Variants in ARHGAP35 observed in about 807,000 individuals in gnomAD.
ARHGAP35 encodes the protein Rho GTPase activating protein 35.
In ARHGAP35, 15 loss-of-function variants were observed where a neutral mutation model predicts 111.1. That is an observed-to-expected ratio of 0.13 (90% CI 0.09 to 0.21). The LOEUF is 0.21. ARHGAP35 is among the 10% of genes least tolerant of loss of function. ARHGAP35 has a pLI of 1.00. For synonymous variants in ARHGAP35, 643 were observed against 710.3 expected (o/e 0.91, Z 1.51); for missense variants, 1,262 against 1,873.0 (o/e 0.67, Z 6.02).
chr19:46,989,750 C>T lies in ARHGAP35; in HGVS notation c.4036+75C>T, dbSNP rs1254726713. The stretch of plus-strand genomic sequence containing the variant: ...GCACTGGAAGAATAGGTCCTGCCCT[C>T]AGAATGGATGCTGGCTGTTAGAGCT... On this transcript the variant is annotated intron_variant, in intron 5 of 6. Coordinates refer to ENST00000672722, the MANE Select transcript of ARHGAP35 (RefSeq NM_004491.5). The surrounding 1 kb of genome is among the most constrained non-coding windows in gnomAD (Gnocchi z 5.3). The T allele has an allele frequency of 1.9e-6, 3 of 1,593,244 alleles. No individual in the cohort carries two copies. The highest frequency in any genetic ancestry group is 2.6e-6 in the Non-Finnish European group (3 of 1,168,722).
chr19:46,933,837 A>G (rs1282010289), intron 2 of ARHGAP35, among the ~76,000 whole-genome samples: 1 of 152,200 alleles, frequency 6.6e-6, no homozygotes, highest in African/African-American at 2.4e-5. Context: ...AACTTATGCT[A>G]GGTTCTGGTA....
chr19:46,965,466 T>TTTTG (rs146545859), intron 3 of ARHGAP35, among the ~76,000 whole-genome samples: 28,058 of 150,176 alleles, frequency 0.19, 2,759 homozygotes, highest in Middle Eastern at 0.23. Context: ...TTCTTGGGTT[T>TTTTG]TTTGTTTGTT....
At chr19:46,911,558 T>C (rs2056137971) in intron 1 of ARHGAP35, among the ~76,000 whole-genome samples, 1 of 152,244 alleles carries the variant, frequency 6.6e-6, no homozygotes. Context: ...TAACTAGATC[T>C]ATCAAATGGG....
At chr19:46,947,434 CAG>C (rs1047141759) in intron 3 of ARHGAP35, 1 of 152,128 alleles carries the variant, frequency 6.6e-6, no homozygotes, top group African/African-American at 2.4e-5. Context: ...TGTAAAAGGG[CAG>C]AGTCACTTTG....
chr19:46,895,850 C>T (rs753461625), intron 1 of ARHGAP35, among the ~76,000 whole-genome samples: 12 of 152,196 alleles, frequency 7.9e-5, no homozygotes, highest in Non-Finnish European at 1.5e-4. Context: ...TGCCTGTAAT[C>T]CCAGCACTTT....
intron 1 of ARHGAP35, among the ~76,000 whole-genome samples, chr19:46,906,540 A>G (rs1266306537): frequency 6.6e-6 from 1 of 152,210 alleles, no homozygotes; most frequent in Non-Finnish European, 1.5e-5. Flanking sequence ...AAAGTGTATA[A>G]AGTATGTACG....
intron 3 of ARHGAP35, among the ~76,000 whole-genome samples, chr19:46,940,359 CAAAAAAA>C (rs529022109): frequency 1.4e-4 from 16 of 114,056 alleles, no homozygotes; most frequent in Non-Finnish European, 2.5e-4. Flanking sequence ...AACTGTGTCT[CAAAAAAA>C]AAAAAAAAAA....
chr19:46,867,317 T>C (rs1409537143), intron 1 of ARHGAP35, among the ~76,000 whole-genome samples: 1 of 152,252 alleles, frequency 6.6e-6, no homozygotes, highest in African/African-American at 2.4e-5. Flanking sequence ...AGGTATTTCC[T>C]GCCTCTTTTG....
In ARHGAP35 at chr19:46,861,118, G is replaced by T. The variant is rs1201006558; in HGVS notation, c.-280G>T. Among the ~76,000 whole-genome samples the T allele has an allele frequency of 6.6e-6, 1 of 151,152 alleles. No individual in the cohort carries two copies. Among genetic ancestry groups the T allele is most frequent in the Non-Finnish European group, 1.5e-5 (1 of 67,700 alleles). On this transcript the variant is annotated 5_prime_UTR_variant, in exon 1 of 7. Transcript: ENST00000672722. Reference sequence around the variant, plus strand: ...AGCCGCCGCCGCCGCCTCAGCCGCCGCTGGACTAGGAGCAGGGGAACATGG... The same window carrying T: ...AGCCGCCGCCGCCGCCTCAGCCGCCTCTGGACTAGGAGCAGGGGAACATGG...
intron 3 of ARHGAP35, among the ~76,000 whole-genome samples, chr19:46,944,443 T>G (rs946081427): frequency 2.0e-5 from 3 of 152,218 alleles, no homozygotes. Context: ...TTCCTGCTAA[T>G]GCTAGTCCCC....
At chr19:46,883,422 GT>G (rs1234032251) in intron 1 of ARHGAP35, among the ~76,000 whole-genome samples, 1 of 152,126 alleles carries the variant, frequency 6.6e-6, no homozygotes, top group African/African-American at 2.4e-5. Flanking sequence ...TTTCAACATG[GT>G]TGTGTCTCAG....
At chr19:46,955,913 A>C (rs1395153594) in intron 3 of ARHGAP35, among the ~76,000 whole-genome samples, 1 of 152,220 alleles carries the variant, frequency 6.6e-6, no homozygotes, top group Admixed American at 6.5e-5. Flanking sequence ...GACAGGGTAA[A>C]TGCAGGTCAC....
At position 46,907,372 on chromosome 19, in the gene ARHGAP35, G is replaced by T. The variant is rs568534148; in HGVS notation, c.-188-11116G>T. ...TCACCGTGTTAGCCAGGATGGTCTC[G>T]ATCTCCTGACCTCGTGATCCGCCCG... On this transcript the variant is annotated intron_variant, in intron 1 of 6. Transcript: ENST00000672722. Among the ~76,000 whole-genome samples the T allele has an allele frequency of 2.0e-5, 3 of 149,152 alleles. No individual in the cohort carries two copies. In the South Asian group the frequency reaches 6.4e-4, roughly 32 times the overall value.
Position 46,988,239 on chromosome 19 carries a change from C to T in ARHGAP35, c.3904+173C>T, listed in dbSNP as rs142699071. ...GTGGCTGCAGCGGGGAGGAGGGGACCGGGTCCTGTCAGTGAACCGAAGCAC... is the reference window on the plus strand; with the variant it reads ...GTGGCTGCAGCGGGGAGGAGGGGACTGGGTCCTGTCAGTGAACCGAAGCAC... On this transcript the variant is annotated intron_variant, in intron 4 of 6. Transcript: ENST00000672722. This position sits in a 1 kb window ranked among gnomAD's most constrained non-coding sequence, Gnocchi z 5.4. The T allele has an allele frequency of 1.9e-4, 116 of 622,984 alleles. No homozygotes were observed. In the African/African-American group the frequency reaches 1.9e-3, roughly 10 times the overall value. The allele number at this position is 622,984 out of a possible 1,614,324, so 38.6% of individuals were successfully genotyped here. A position where few individuals can be genotyped will look rare whatever the true frequency, so the allele number is the denominator to read the frequency against.
rs1038413423 is a variant in ARHGAP35, at chr19:47,001,250, G to A, written c.*562G>A. 1 of 1,287,424 alleles carries A rather than the reference G, an allele frequency of 7.8e-7. No homozygotes were observed. Among genetic ancestry groups the A allele is most frequent in the African/African-American group, 1.5e-5 (1 of 65,856 alleles). 79.8% of individuals were successfully genotyped at this position (1,287,424 alleles called of 1,614,324 possible). On this transcript the variant is annotated 3_prime_UTR_variant, in exon 7 of 7. Transcript: ENST00000672722. This position sits in a 1 kb window ranked among gnomAD's most constrained non-coding sequence, Gnocchi z 5.4. ...GGTACCTGCTGAGGGCGCTGGCTCT[G>A]CAGATCAGAACAACGGAGGATAGCT...
chr19:46,960,924 C>T (rs1399787139), intron 3 of ARHGAP35, among the ~76,000 whole-genome samples: 1 of 148,804 alleles, frequency 6.7e-6, no homozygotes, highest in Non-Finnish European at 1.5e-5. Flanking sequence ...GACGAAGTCT[C>T]ACTCCTGTCC....
At chr19:46,872,429 T>G (rs1164311018) in intron 1 of ARHGAP35, among the ~76,000 whole-genome samples, 2 of 152,018 alleles carry the variant, frequency 1.3e-5, no homozygotes, top group African/African-American at 4.8e-5. Context: ...AAACAAGTTT[T>G]TTTTTTTTTT....
chr19:46,944,812 G>A (rs2056369153), intron 3 of ARHGAP35, among the ~76,000 whole-genome samples: 1 of 152,184 alleles, frequency 6.6e-6, no homozygotes, highest in Admixed American at 6.5e-5. Flanking sequence ...GCAGGGCGCT[G>A]TGTTGAGACT....
intron 1 of ARHGAP35, among the ~76,000 whole-genome samples, chr19:46,864,690 A>T (rs1466367149): frequency 6.6e-6 from 1 of 152,230 alleles, no homozygotes; most frequent in Non-Finnish European, 1.5e-5. Flanking sequence ...TTCTGACAGA[A>T]TCTGGTAATT....
Sources: gnomAD v4.1 joint callset for allele counts (sites outside exome capture counted in the v4.1 genomes callset) on GRCh38, gnomAD v4.1.1 for gene constraint, Gnocchi (gnomAD v3.1) non-coding constraint, MANE v1.5 for transcripts, NCBI Gene and HGNC (gene_info 2026-07-23, HGNC 2026-07-21) for gene names.